Variants in ITGB6 observed in about 807,000 individuals in gnomAD.
ITGB6 encodes the protein integrin subunit beta 6.
In ITGB6, 80 loss-of-function variants were observed where a neutral mutation model predicts 84.5. The ratio of observed to expected loss-of-function variants is 0.95; its 90% confidence interval spans 0.79 to 1.14. The LOEUF (loss-of-function observed/expected upper bound fraction) is 1.14, where lower values mean the gene tolerates loss of function less well. ITGB6 is among the 50% of genes most tolerant of loss of function. The pLI, the probability that ITGB6 is intolerant of heterozygous loss-of-function variation, is 0.00. For synonymous variants in ITGB6, 383 were observed against 354.9 expected (o/e 1.08, Z -0.89); for missense variants, 1,006 against 968.0 (o/e 1.04, Z -0.52).
At chr2:160,109,280 T>A (rs1275332444) in intron 13 of ITGB6, among the ~76,000 whole-genome samples, 3 of 152,208 alleles carry the variant, frequency 2.0e-5, no homozygotes, top group African/African-American at 7.2e-5. Context: ...TGTATGAAGA[T>A]CTAAAGACTA....
At chr2:160,189,546 T>A (rs996415134) in intron 4 of ITGB6, among the ~76,000 whole-genome samples, 4 of 152,142 alleles carry the variant, frequency 2.6e-5, no homozygotes, top group African/African-American at 9.7e-5. Context: ...GGGCGAAGGA[T>A]ATGAACAGAC....
rs1012537021 is a variant in ITGB6, at chr2:160,114,527, C to T, written c.1982-2328G>A. Among the ~76,000 whole-genome samples the T allele has an allele frequency of 7.9e-5, 12 of 152,120 alleles. 1 individual carries two copies. The highest frequency in any genetic ancestry group is 5.9e-4 in the Admixed American group (9 of 15,276). Reference sequence around the variant, plus strand: ...AAAAATACAAAGCAGGGGGGTGGAGCCAAGATGGCCGAATAGGAACAGCTC... The same window carrying T: ...AAAAATACAAAGCAGGGGGGTGGAGTCAAGATGGCCGAATAGGAACAGCTC... On this transcript the variant is annotated intron_variant, in intron 12 of 14. Transcript: ENST00000283249.
At chr2:160,186,120 T>A (rs1685885422) in intron 4 of ITGB6, among the ~76,000 whole-genome samples, 1 of 151,876 alleles carries the variant, frequency 6.6e-6, no homozygotes, top group South Asian at 2.1e-4. Context: ...AATTGACAAA[T>A]GGGATCTAAT....
At position 160,105,236 on chromosome 2, in the gene ITGB6, A is replaced by C. The variant is rs576911838; in HGVS notation, c.2268+2443T>G. On this transcript the variant is annotated intron_variant, in intron 14 of 14. Transcript: ENST00000283249. ...ATTTAATAAGGGAATAATATTTTCC[A>C]TTTATGCTTTTTTTTCTGTTTAATG... Among the ~76,000 whole-genome samples the C allele has an allele frequency of 1.4e-4, 22 of 152,206 alleles. No individual in the cohort carries two copies. The South Asian group carries it at 4.6e-3, about 32-fold the overall frequency.
intron 7 of ITGB6, among the ~76,000 whole-genome samples, chr2:160,152,718 TCTC>T (rs1684477316): frequency 6.6e-6 from 1 of 152,072 alleles, no homozygotes; most frequent in Non-Finnish European, 1.5e-5. Flanking sequence ...CAGCCCAAAA[TCTC>T]CTTAAGCTGA....
intron 11 of ITGB6, among the ~76,000 whole-genome samples, chr2:160,124,285 A>T (rs11887216): frequency 0.025 from 3,738 of 152,328 alleles, 147 homozygotes; most frequent in African/African-American, 0.085. Context: ...TCTTGACAGA[A>T]ATGGTCTATA....
Position 160,138,181 on chromosome 2 carries a change from C to G in ITGB6, c.1126G>C (p.Glu376Gln). Residue 376 changes from glutamate (E) to glutamine (Q), a missense_variant, in exon 9 of 15, where the codon GAA (glutamate) becomes CAA (glutamine). Physicochemically the swap from Glu to Gln is conservative, Grantham distance 29. Transcript: ENST00000283249. ...SAYEELRSEV[E>Q]LEVLGDTEGL... ...TCAGTGTCTCCTAATACTTCCAGTT[C>G]CACCTCAGACCGCAGTTCCTTTAGT... 6.2e-7 allele frequency: 1 copy of G among 1,609,866 alleles called. No homozygotes were observed.
intron 7 of ITGB6, among the ~76,000 whole-genome samples, chr2:160,157,467 C>T (rs543697215): frequency 5.9e-5 from 9 of 152,128 alleles, no homozygotes; most frequent in Non-Finnish European, 1.3e-4. Flanking sequence ...TCACTCTTCT[C>T]CACCAGGCCT....
Position 160,139,713 on chromosome 2 carries a change from T to C in ITGB6, c.1108-1514A>G, listed in dbSNP as rs536173947. On this transcript the variant is annotated intron_variant, in intron 8 of 14. Transcript: ENST00000283249. ...CCAAGGAAAGGACATAAACACTTAT[T>C]TGTATTTTTCATAGTTTCATTCATT... is the stretch of plus-strand genomic sequence containing the variant. Among the ~76,000 whole-genome samples the C allele has an allele frequency of 2.0e-5, 3 of 152,344 alleles. No individual in the cohort carries two copies. In the South Asian group the frequency reaches 6.2e-4, roughly 32 times the overall value.
intron 7 of ITGB6, among the ~76,000 whole-genome samples, chr2:160,150,914 A>G (rs1684389193): frequency 6.6e-6 from 1 of 152,200 alleles, no homozygotes; most frequent in South Asian, 2.1e-4. Context: ...ACTATCCTAA[A>G]TATATATGCA....
At position 160,169,244 on chromosome 2, in the gene ITGB6, C is replaced by T. The variant is rs764045213; in HGVS notation, c.985G>A (p.Ala329Thr). ...LVQNNVLLIF[A>T]VTQEQVHLYE... ...AAATGAACTTGTTCTTGGGTTACAG[C>T]GAAGATCAATAACACGTTGTTTTGT... The change falls in exon 7 of 15, where the codon GCT (alanine) becomes ACT (threonine). Residue 329 changes from alanine (A) to threonine (T), a missense_variant. Ala to Thr is a moderately conservative substitution (Grantham distance 58, BLOSUM62 0). Coordinates refer to ENST00000283249, the MANE Select transcript of ITGB6 (RefSeq NM_000888.5). 18 of 1,602,946 alleles carry T rather than the reference C, an allele frequency of 1.1e-5. No individual in the cohort carries two copies. Among genetic ancestry groups the T allele is most frequent in the Admixed American group, 1.0e-4 (6 of 58,310 alleles).
chr2:160,198,774 C>G (rs559613603), intron 2 of ITGB6, among the ~76,000 whole-genome samples: 1 of 152,260 alleles, frequency 6.6e-6, no homozygotes, highest in Non-Finnish European at 1.5e-5. Context: ...CAGAATGGAT[C>G]CTGGTACCCA....
intron 7 of ITGB6, among the ~76,000 whole-genome samples, chr2:160,162,226 C>A (rs1011565274): frequency 2.6e-5 from 4 of 151,818 alleles, no homozygotes; most frequent in African/African-American, 7.3e-5. Flanking sequence ...ATGTATCTTA[C>A]CATAATAAGA....
At chr2:160,146,341 G>A (rs1007320956) in intron 7 of ITGB6, among the ~76,000 whole-genome samples, 5 of 152,036 alleles carry the variant, frequency 3.3e-5, no homozygotes, top group African/African-American at 7.2e-5. Flanking sequence ...CAGAGCAGCC[G>A]GCTGCTTCTC....
At chr2:160,147,954 G>C (rs1027004982) in intron 7 of ITGB6, among the ~76,000 whole-genome samples, 5 of 152,082 alleles carry the variant, frequency 3.3e-5, no homozygotes, top group Non-Finnish European at 7.4e-5. Flanking sequence ...ATCCATGAAA[G>C]AAAAAATTGG....
chr2:160,191,852 A>G (rs979311805), intron 4 of ITGB6, among the ~76,000 whole-genome samples: 2 of 152,208 alleles, frequency 1.3e-5, no homozygotes, highest in African/African-American at 2.4e-5. Flanking sequence ...ATCAATTGCA[A>G]TTCTACATGT....
At chr2:160,146,826 C>A (rs1032072114) in intron 7 of ITGB6, among the ~76,000 whole-genome samples, 7 of 152,046 alleles carry the variant, frequency 4.6e-5, no homozygotes, top group African/African-American at 1.4e-4. Flanking sequence ...ATAAGGTAGG[C>A]TCAGTGGCTC....
intron 7 of ITGB6, among the ~76,000 whole-genome samples, chr2:160,164,955 C>T (rs1373151893): frequency 1.3e-5 from 2 of 152,162 alleles, no homozygotes; most frequent in Non-Finnish European, 2.9e-5. Flanking sequence ...AAACCTCCCT[C>T]TCTAAGGGAT....
intron 10 of ITGB6, among the ~76,000 whole-genome samples, chr2:160,128,779 C>A (rs1021851925): frequency 6.6e-6 from 1 of 152,066 alleles, no homozygotes; most frequent in Non-Finnish European, 1.5e-5. Flanking sequence ...TGCCGTGTCA[C>A]CAATGCCTGG....
Sources: gnomAD v4.1 joint callset for allele counts (sites outside exome capture counted in the v4.1 genomes callset) on GRCh38, gnomAD v4.1.1 for gene constraint, MANE v1.5 for transcripts, NCBI Gene and HGNC (gene_info 2026-07-23, HGNC 2026-07-21) for gene names.